Variants in POLR1F observed in about 807,000 individuals in gnomAD.
POLR1F encodes DNA-directed RNA polymerase I subunit RPA43.
In POLR1F, 23 loss-of-function variants were observed where a neutral mutation model predicts 21.8. The observed-to-expected ratio is 1.05, with a 90% CI of 0.76 to 1.49. POLR1F has a LOEUF of 1.49. Among genes scored for constraint, POLR1F ranks in the 40% most tolerant of loss-of-function variants. The pLI is 0.00. For synonymous variants in POLR1F, 162 were observed against 152.8 expected (o/e 1.06, Z -0.45); for missense variants, 435 against 412.1 (o/e 1.06, Z -0.48).
In POLR1F at chr7:19,696,877, T is replaced by A. The variant is rs1305226895; in HGVS notation, c.*1439A>T. On this transcript the variant is annotated 3_prime_UTR_variant, in exon 4 of 4. Coordinates refer to ENST00000222567, the MANE Select transcript of POLR1F (RefSeq NM_001002926.2). The stretch of plus-strand genomic sequence containing the variant: ...ACAGCACATCTCAATTTGGACAAGC[T>A]ACATTTCCAGGGCTCAATAGTCACA... 6 of 152,108 alleles carry A rather than the reference T, an allele frequency of 3.9e-5. No homozygotes were observed. Among genetic ancestry groups the A allele is most frequent in the Non-Finnish European group, 7.4e-5 (5 of 67,946 alleles). The allele number at this position is 152,108 out of a possible 1,614,324, so 9.4% of individuals were successfully genotyped here.
intron 2 of POLR1F, 25 bp from the exon 3 acceptor site, chr7:19,700,305 C>T (rs375248755): frequency 2.1e-5 from 33 of 1,580,394 alleles, no homozygotes; most frequent in Non-Finnish European, 2.7e-5. Flanking sequence ...GAAGAAAGAG[C>T]GTAACATAAA....
At chr7:19,704,741 A>G (rs1030989122) in intron 2 of POLR1F, 38 bp downstream of exon 2, 3 of 1,547,062 alleles carry the variant, frequency 1.9e-6, no homozygotes, top group Non-Finnish European at 8.7e-7. Context: ...TAATTATAGA[A>G]TTATACAAAG....
intron 1 of POLR1F, among the ~76,000 whole-genome samples, chr7:19,708,003 A>T (rs942245574): frequency 3.3e-5 from 5 of 152,058 alleles, no homozygotes; most frequent in African/African-American, 9.7e-5. Flanking sequence ...CCGCTTTTAA[A>T]CCAAAGTATA....
Position 19,695,861 on chromosome 7 carries a change from CCAA to C in POLR1F, c.*2452_*2454del, listed in dbSNP as rs771228426. 110 of 152,240 alleles carry C rather than the reference CCAA, an allele frequency of 7.2e-4. 1 individual carries two copies. Among genetic ancestry groups the C allele is most frequent in the African/African-American group, 2.5e-3 (104 of 41,568 alleles). The allele number at this position is 152,240 out of a possible 1,614,324, so 9.4% of individuals were successfully genotyped here. A position where few individuals can be genotyped will look rare whatever the true frequency, so the allele number is the denominator to read the frequency against. On this transcript the variant is annotated 3_prime_UTR_variant, in exon 4 of 4. Coordinates refer to ENST00000222567, the MANE Select transcript of POLR1F (RefSeq NM_001002926.2). ...CTCCAAGGGTCAAAATGCTGCTCTT[CCAA>C]CAACAAGCTTAAACACTAAACGTAA...
chr7:19,706,155 C>G (rs1583403464), intron 1 of POLR1F, among the ~76,000 whole-genome samples: 1 of 152,228 alleles, frequency 6.6e-6, no homozygotes, highest in African/African-American at 2.4e-5. Flanking sequence ...TTTAGTAAAA[C>G]AGCCAGAAGC....
Position 19,704,821 on chromosome 7 carries a change from G to A in POLR1F, c.354C>T (p.Ala118=), listed in dbSNP as rs376566674. 107 of 1,606,568 alleles carry A rather than the reference G, an allele frequency of 6.7e-5. No homozygotes were observed. The highest frequency in any genetic ancestry group is 3.3e-4 in the Middle Eastern group (2 of 6,044). The part of the protein sequence containing the change: ...DQGHIHLNIE[A]DFVIFCPEPG... Reference sequence around the variant, plus strand: ...GTTCAGGGCAGAAAATAACAAAATCGGCTTCAATGTTAAGATGAATGTGTC... The same window carrying A: ...GTTCAGGGCAGAAAATAACAAAATCAGCTTCAATGTTAAGATGAATGTGTC... The change falls in exon 2 of 4, where the codon GCC becomes GCT. Residue 118 remains alanine (A), a synonymous_variant. Coordinates refer to ENST00000222567, the MANE Select transcript of POLR1F (RefSeq NM_001002926.2).
chr7:19,708,331 G>A (rs1783564351), intron 1 of POLR1F, among the ~76,000 whole-genome samples: 1 of 152,166 alleles, frequency 6.6e-6, no homozygotes, highest in Non-Finnish European at 1.5e-5. Flanking sequence ...TGCTTCGTAT[G>A]CTATCTTCTA....
At chr7:19,707,536 T>C (rs960398820) in intron 1 of POLR1F, among the ~76,000 whole-genome samples, 7 of 152,226 alleles carry the variant, frequency 4.6e-5, no homozygotes, top group Non-Finnish European at 1.0e-4. Flanking sequence ...TACAGTTCTC[T>C]GGGCAAAGCA....
At chr7:19,703,526 A>G (rs375217208) in intron 2 of POLR1F, among the ~76,000 whole-genome samples, 1 of 152,270 alleles carries the variant, frequency 6.6e-6, no homozygotes, top group East Asian at 1.9e-4. Flanking sequence ...ATTAAAAGGG[A>G]TATTTTTCAT....
chr7:19,698,637 C>CTTCT lies in POLR1F; in HGVS notation c.692_695dup (p.Lys233GlufsTer8). The CTTCT allele has an allele frequency of 1.3e-6, 2 of 1,592,592 alleles. No individual in the cohort carries two copies. Among genetic ancestry groups the CTTCT allele is most frequent in the Non-Finnish European group, 1.7e-6 (2 of 1,174,778 alleles). On this transcript the variant is annotated frameshift_variant, in exon 4 of 4. Coordinates refer to ENST00000222567, the MANE Select transcript of POLR1F (RefSeq NM_001002926.2). LOFTEE classifies it low-confidence loss of function (END_TRUNC). ...CCACTTCATATGTCTCTGGGTCTTT[C>CTTCT]TTCTTTTTCTTCTTTTTAGGTTTTT...
At chr7:19,708,411 G>C (rs1166743242) in intron 1 of POLR1F, among the ~76,000 whole-genome samples, 1 of 152,176 alleles carries the variant, frequency 6.6e-6, no homozygotes, top group Admixed American at 6.5e-5. Flanking sequence ...TCATCCGTAA[G>C]GGGATAAATG....
Position 19,695,677 on chromosome 7 carries a change from T to C in POLR1F, c.*2639A>G, listed in dbSNP as rs1643862416. On this transcript the variant is annotated 3_prime_UTR_variant, in exon 4 of 4. Coordinates refer to ENST00000222567, the MANE Select transcript of POLR1F (RefSeq NM_001002926.2). ...GCACAGTGTTACAAGTAGAAAAATA[T>C]TTATTAAAGAAAAATAAGAATTATG... 6.6e-6 allele frequency: 1 copy of C among 152,124 alleles called. No individual in the cohort carries two copies. The highest frequency in any genetic ancestry group is 1.5e-5 in the Non-Finnish European group (1 of 67,962). 9.4% of individuals were successfully genotyped at this position (152,124 alleles called of 1,614,324 possible).
At chr7:19,701,090 T>C (rs1159274767) in intron 2 of POLR1F, among the ~76,000 whole-genome samples, 2 of 152,220 alleles carry the variant, frequency 1.3e-5, no homozygotes, top group African/African-American at 4.8e-5. Context: ...CCTTTACACA[T>C]GTGACAGAAT....
At position 19,698,440 on chromosome 7, in the gene POLR1F, T is replaced by A; in HGVS notation, c.893A>T (p.Asp298Val). 6.2e-7 allele frequency: 1 copy of A among 1,612,982 alleles called. No individual in the cohort carries two copies. The highest frequency in any genetic ancestry group is 2.2e-5 in the East Asian group (1 of 44,852). The part of the protein sequence containing the change: ...QDQDPVFQGS[D>V]SSGYQSDHKK... Reference sequence around the variant, plus strand: ...ATGGTCACTTTGGTAACCACTGGAGTCACTGCCTTGGAAAACAGGGTCCTG... The same window carrying A: ...ATGGTCACTTTGGTAACCACTGGAGACACTGCCTTGGAAAACAGGGTCCTG... Residue 298 changes from aspartate (D) to valine (V), a missense_variant, in exon 4 of 4, where the codon GAC becomes GTC. Transcript: ENST00000222567.
chr7:19,704,930 G>C lies in POLR1F; in HGVS notation c.255-10C>G. On this transcript the variant is annotated splice_polypyrimidine_tract_variant and intron_variant, in intron 1 of 3. Transcript: ENST00000222567. ...AGGGACACCTAAAAGGCTGTAAAAA[G>C]AAAAAGTTGAAAATGATACCTTTTA... 1 of 1,550,754 alleles carries C rather than the reference G, an allele frequency of 6.4e-7. No homozygotes were observed. Among genetic ancestry groups the C allele is most frequent in the Admixed American group, 2.3e-5 (1 of 42,782 alleles).
intron 2 of POLR1F, among the ~76,000 whole-genome samples, chr7:19,704,164 GGAAAA>G (rs1486960677): frequency 3.9e-5 from 6 of 151,974 alleles, no homozygotes; most frequent in African/African-American, 1.5e-4. Flanking sequence ...TATCAGCTAA[GGAAAA>G]GAACATATAC....
At position 19,698,513 on chromosome 7, in the gene POLR1F, C is replaced by G; in HGVS notation, c.820G>C (p.Glu274Gln). 1 of 1,605,590 alleles carries G rather than the reference C, an allele frequency of 6.2e-7. No individual in the cohort carries two copies. The highest frequency in any genetic ancestry group is 8.5e-7 in the Non-Finnish European group (1 of 1,178,012). The change falls in exon 4 of 4, where the codon GAG becomes CAG. Residue 274 changes from glutamate to glutamine, a missense_variant. By Grantham distance (29) the Glu-to-Gln change is conservative. Transcript: ENST00000222567. ...TTCTTCTTCTTCTTTTTCTTTGGCT[C>G]CTCCTCCCAGATGCCATTCGCATTA... ...TNNANGIWEE[E>Q]PKKKKKKKKH...
intron 1 of POLR1F, 25 bp downstream of exon 1, chr7:19,708,738 A>G (rs771490997): frequency 1.2e-5 from 19 of 1,589,538 alleles, no homozygotes; most frequent in African/African-American, 2.7e-5. Flanking sequence ...TGCACAAAAG[A>G]AGGAACAGGC....
rs572336445 is a variant in POLR1F, at chr7:19,704,795, G to T, written c.380C>A (p.Pro127Gln). Reference protein sequence around the residue: ...EADFVIFCPEPGQKLMGIVNK... With the variant: ...EADFVIFCPEQGQKLMGIVNK... ...TACACATACCATAAGCTTCTGCCCTGGTTCAGGGCAGAAAATAACAAAATC... is the reference window on the plus strand; with the variant it reads ...TACACATACCATAAGCTTCTGCCCTTGTTCAGGGCAGAAAATAACAAAATC... Residue 127 changes from proline to glutamine, a missense_variant, in exon 2 of 4, where the codon CCA becomes CAA. Pro to Gln is a moderately conservative substitution (Grantham distance 76). Coordinates refer to ENST00000222567, the MANE Select transcript of POLR1F (RefSeq NM_001002926.2). 17 of 1,601,402 alleles carry T rather than the reference G, an allele frequency of 1.1e-5. No homozygotes were observed. In the East Asian group the frequency reaches 3.8e-4, roughly 36 times the overall value.
Sources: allele counts gnomAD v4.1 joint callset (sites outside exome capture counted in the v4.1 genomes callset), GRCh38; gene constraint gnomAD v4.1.1; transcripts MANE v1.5; gene names NCBI Gene and HGNC (gene_info 2026-07-23, HGNC 2026-07-21).